The following CLNK variants were observed in gnomAD, a reference collection of about 807,000 sequenced individuals.
CLNK encodes the protein cytokine dependent hematopoietic cell linker.
A neutral mutation model predicts 68.6 loss-of-function variants in CLNK; 74 were observed. The ratio of observed to expected loss-of-function variants is 1.08; its 90% CI spans 0.89 to 1.31. The LOEUF (loss-of-function observed/expected upper bound fraction) is 1.31, where lower values mean the gene tolerates loss of function less well. Among genes scored for constraint, CLNK ranks in the 50% most tolerant of loss-of-function variants. The probability of loss-of-function intolerance (pLI) is 0.00; values close to 1 mark genes in which losing one functional copy is unlikely to be tolerated. For synonymous variants in CLNK, 198 were observed against 172.2 expected (o/e 1.15, Z -1.17); for missense variants, 553 against 515.3 (o/e 1.07, Z -0.71).
intron 17 of CLNK, 102 bp from the exon 18 acceptor site, chr4:10,501,513 A>T: frequency 8.0e-7 from 1 of 1,253,494 alleles, no homozygotes; most frequent in Non-Finnish European, 1.1e-6. Flanking sequence ...TCCCAGATGG[A>T]TTTAGTTTTT....
At chr4:10,566,210 C>G (rs1720107434) in intron 5 of CLNK, 60 bp from the exon 6 acceptor site, 2 of 1,569,112 alleles carry the variant, frequency 1.3e-6, no homozygotes, top group Non-Finnish European at 1.7e-6. Context: ...CAAAGACAGG[C>G]TACAGTGCTG....
At chr4:10,572,026 A>G (rs1720373690) in intron 4 of CLNK, among the ~76,000 whole-genome samples, 1 of 152,248 alleles carries the variant, frequency 6.6e-6, no homozygotes, top group Non-Finnish European at 1.5e-5. Context: ...TGGAGGTAAG[A>G]AACTTTATCT....
intron 4 of CLNK, among the ~76,000 whole-genome samples, chr4:10,582,450 T>G (rs1404019533): frequency 6.6e-6 from 1 of 152,204 alleles, no homozygotes; most frequent in African/African-American, 2.4e-5. Flanking sequence ...AGCTAATATC[T>G]ATCTTCATCA....
intron 3 of CLNK, among the ~76,000 whole-genome samples, chr4:10,597,601 T>G (rs1721433863): frequency 6.6e-6 from 1 of 152,200 alleles, no homozygotes; most frequent in Non-Finnish European, 1.5e-5. Flanking sequence ...CTTGTCTGCT[T>G]GCTGTGAGGC....
chr4:10,694,707 T>C, the CLNK span, among the ~76,000 whole-genome samples: 1 of 152,174 alleles, frequency 6.6e-6, no homozygotes, highest in African/African-American at 2.4e-5. Context: ...CCCGAGTCAC[T>C]TAGTGACTCA....
chr4:10,494,189 CCA>C (rs1020603363), intron 18 of CLNK, among the ~76,000 whole-genome samples: 8 of 152,170 alleles, frequency 5.3e-5, no homozygotes, highest in African/African-American at 1.9e-4. Flanking sequence ...TGAATAACAA[CCA>C]CACACAAAAA....
In CLNK at chr4:10,598,035, G is replaced by A; in HGVS notation, c.26C>T (p.Thr9Ile). Residue 9 changes from threonine (T) to isoleucine (I), a missense_variant, in exon 3 of 19, where the codon ACA becomes ATA. By Grantham distance (89) the Thr-to-Ile change is moderately conservative. Transcript: ENST00000226951. ...CAAATCGTTGGATCCTTCTTTAGTT[G>A]TCTTTCTATTGCCCCTGGGATGAAA... The part of the protein sequence containing the change: MNRQGNRK[T>I]TKEGSNDLKF... 6.3e-7 allele frequency: 1 copy of A among 1,585,558 alleles called. No individual in the cohort carries two copies. The highest frequency in any genetic ancestry group is 8.6e-7 in the Non-Finnish European group (1 of 1,163,612).
At chr4:10,693,460 G>A in the CLNK span, among the ~76,000 whole-genome samples, 1 of 152,232 alleles carries the variant, frequency 6.6e-6, no homozygotes. Context: ...GGAAGACAGA[G>A]GCAGATATTG....
intron 18 of CLNK, among the ~76,000 whole-genome samples, chr4:10,498,141 G>A (rs570250610): frequency 6.6e-6 from 1 of 151,982 alleles, no homozygotes; most frequent in South Asian, 2.1e-4. Context: ...GTTGTGGTGA[G>A]CCAAGATCAC....
At chr4:10,697,592 T>C in the CLNK span, 1 of 152,206 alleles carries the variant, frequency 6.6e-6, no homozygotes, top group Non-Finnish European at 1.5e-5. Context: ...AAATAATTCA[T>C]TCTCTAAGTT....
At chr4:10,690,247 A>G in the CLNK span, among the ~76,000 whole-genome samples, 1 of 152,112 alleles carries the variant, frequency 6.6e-6, no homozygotes, top group African/African-American at 2.4e-5. Context: ...TCCTGGCCCA[A>G]CCACCCTGAC....
At chr4:10,590,372 A>G (rs933761856) in intron 3 of CLNK, among the ~76,000 whole-genome samples, 1 of 152,180 alleles carries the variant, frequency 6.6e-6, no homozygotes, top group East Asian at 1.9e-4. Context: ...ATCCATGGGA[A>G]CAGAGTTTGG....
chr4:10,519,195 C>A (rs887987867), intron 15 of CLNK, among the ~76,000 whole-genome samples: 1 of 152,188 alleles, frequency 6.6e-6, no homozygotes, highest in Admixed American at 6.5e-5. Context: ...TGAGAGGAAC[C>A]TAAGCAACCC....
the CLNK span, among the ~76,000 whole-genome samples, chr4:10,722,514 G>A: frequency 6.6e-6 from 1 of 152,198 alleles, no homozygotes; most frequent in Admixed American, 6.5e-5. Flanking sequence ...CGATAACTCT[G>A]TTTCTCCATA....
the CLNK span, among the ~76,000 whole-genome samples, chr4:10,700,923 A>G: frequency 6.6e-6 from 1 of 152,194 alleles, no homozygotes; most frequent in Non-Finnish European, 1.5e-5. Context: ...TGTATTCAAA[A>G]ATAAAATTAG....
chr4:10,589,122 T>G (rs1201029033), intron 3 of CLNK, among the ~76,000 whole-genome samples: 1 of 152,206 alleles, frequency 6.6e-6, no homozygotes, highest in Admixed American at 6.5e-5. Context: ...ATCATAATAA[T>G]AAGTAAAGAG....
At chr4:10,590,750 A>C (rs1721153795) in intron 3 of CLNK, among the ~76,000 whole-genome samples, 1 of 152,168 alleles carries the variant, frequency 6.6e-6, no homozygotes, top group African/African-American at 2.4e-5. Context: ...AAAAACAAGG[A>C]AGGATGGAAA....
chr4:10,593,375 C>T (rs568751753), intron 3 of CLNK, among the ~76,000 whole-genome samples: 25 of 152,064 alleles, frequency 1.6e-4, no homozygotes, highest in Non-Finnish European at 3.1e-4. Context: ...GGACTCCAGG[C>T]GGGGCACGGT....
At chr4:10,539,294 A>G (rs1196052109) in intron 11 of CLNK, among the ~76,000 whole-genome samples, 1 of 152,212 alleles carries the variant, frequency 6.6e-6, no homozygotes, top group Non-Finnish European at 1.5e-5. Flanking sequence ...GCTGTAATGG[A>G]GGAAATGGTG....
Sources: gnomAD v4.1 joint callset for allele counts (sites outside exome capture counted in the v4.1 genomes callset) on GRCh38, gnomAD v4.1.1 for gene constraint, MANE v1.5 for transcripts, NCBI Gene and HGNC (gene_info 2026-07-23, HGNC 2026-07-21) for gene names.